The following RHEX variants were observed in gnomAD, a reference collection of about 807,000 sequenced individuals.
RHEX encodes the protein regulator of hemoglobinization and erythroid cell expansion protein.
A neutral mutation model predicts 20.1 loss-of-function variants in RHEX; 18 were observed. The ratio of observed to expected loss-of-function variants is 0.90; its 90% CI spans 0.62 to 1.33. The LOEUF is 1.33. Ranked by LOEUF, RHEX falls within the 40% of genes most tolerant of loss-of-function variation. The pLI is 0.00. For synonymous variants in RHEX, 87 were observed against 77.1 expected, an observed-to-expected ratio of 1.13 and a Z score of -0.67; for missense variants, 192 against 214.3, an observed-to-expected ratio of 0.90 and a Z score of 0.65.
chr1:206,064,773 G>T (rs535308254), intron 1 of RHEX, among the ~76,000 whole-genome samples: 1 of 152,266 alleles, frequency 6.6e-6, no homozygotes, highest in South Asian at 2.1e-4. Flanking sequence ...CGTCTGGGAG[G>T]TGTGCCCAGC....
chr1:206,090,362 C>T (rs1025222774), intron 1 of RHEX, among the ~76,000 whole-genome samples: 5 of 152,098 alleles, frequency 3.3e-5, no homozygotes, highest in South Asian at 2.1e-4. Flanking sequence ...CCCACCACCT[C>T]ACCCAGCTAA....
At chr1:206,098,371 T>G in intron 3 of RHEX, 190 bp downstream of exon 3, 2 of 570,468 alleles carry the variant, frequency 3.5e-6, no homozygotes, top group South Asian at 2.2e-5. Flanking sequence ...CACTCTGACC[T>G]CACCTTTTAA....
intron 3 of RHEX, among the ~76,000 whole-genome samples, chr1:206,099,149 G>A (rs1294409075): frequency 6.6e-6 from 1 of 152,098 alleles, no homozygotes; most frequent in Non-Finnish European, 1.5e-5. Flanking sequence ...GAGGAGTGAG[G>A]CCTCGGAGGC....
intron 1 of RHEX, among the ~76,000 whole-genome samples, chr1:206,083,924 A>C (rs1231538571): frequency 6.6e-6 from 1 of 152,182 alleles, no homozygotes; most frequent in Admixed American, 6.5e-5. Flanking sequence ...TCCAGCAAAA[A>C]CTGGTTCCAA....
intron 1 of RHEX, among the ~76,000 whole-genome samples, chr1:206,074,157 C>T (rs1662587697): frequency 6.6e-6 from 1 of 152,226 alleles, no homozygotes; most frequent in Non-Finnish European, 1.5e-5. Flanking sequence ...TTGGGACCTT[C>T]TCTGACCAAA....
chr1:206,070,043 AT>A (rs1553284499), intron 1 of RHEX, among the ~76,000 whole-genome samples: 1 of 150,846 alleles, frequency 6.6e-6, no homozygotes, highest in East Asian at 1.9e-4. Context: ...AGCATTTACT[AT>A]TAAAAAAAAA....
intron 1 of RHEX, among the ~76,000 whole-genome samples, chr1:206,072,391 C>T (rs566243084): frequency 3.9e-5 from 6 of 152,122 alleles, no homozygotes; most frequent in South Asian, 2.1e-4. Context: ...CTGGCTAACA[C>T]GGTGAAACCC....
At chr1:206,087,846 C>CTA (rs1172321762) in intron 1 of RHEX, among the ~76,000 whole-genome samples, 1 of 152,178 alleles carries the variant, frequency 6.6e-6, no homozygotes, top group Non-Finnish European at 1.5e-5. Context: ...AATGTTCTCA[C>CTA]TACAAAAAAT....
chr1:206,070,900 T>C (rs1322960409), intron 1 of RHEX, among the ~76,000 whole-genome samples: 1 of 152,164 alleles, frequency 6.6e-6, no homozygotes, highest in Non-Finnish European at 1.5e-5. Context: ...CTTTCTCACC[T>C]GTAAAATTGA....
chr1:206,086,998 G>T (rs1662853565), intron 1 of RHEX, among the ~76,000 whole-genome samples: 1 of 152,170 alleles, frequency 6.6e-6, no homozygotes, highest in African/African-American at 2.4e-5. Flanking sequence ...AACAGAGCAA[G>T]ACCCTGTCTA....
At chr1:206,086,011 C>T (rs958451760) in intron 1 of RHEX, among the ~76,000 whole-genome samples, 3 of 152,292 alleles carry the variant, frequency 2.0e-5, no homozygotes, top group East Asian at 3.9e-4. Flanking sequence ...GAAGGTGATC[C>T]TGTAACCCTC....
At chr1:206,093,332 C>G (rs1474748736) in intron 1 of RHEX, among the ~76,000 whole-genome samples, 1 of 151,260 alleles carries the variant, frequency 6.6e-6, no homozygotes, top group South Asian at 2.1e-4. Flanking sequence ...AGTACAGTGG[C>G]GTGATCTCAG....
chr1:206,095,604 G>A (rs1480043742), intron 1 of RHEX, among the ~76,000 whole-genome samples: 2 of 152,148 alleles, frequency 1.3e-5, no homozygotes, highest in Non-Finnish European at 2.9e-5. Flanking sequence ...ATCACCTGAG[G>A]TTGGGAGTTC....
chr1:206,074,086 C>T (rs991761292), intron 1 of RHEX, among the ~76,000 whole-genome samples: 4 of 152,304 alleles, frequency 2.6e-5, no homozygotes, highest in Non-Finnish European at 5.9e-5. Flanking sequence ...CACTTTCTCT[C>T]TCATGGGACT....
In RHEX at chr1:206,067,711, C is replaced by A. The variant is rs185542488; in HGVS notation, c.-97+14446C>A. Among the ~76,000 whole-genome samples, 1 of 152,190 alleles carries A rather than the reference C, an allele frequency of 6.6e-6. No individual in the cohort carries two copies. Among genetic ancestry groups the A allele is most frequent in the Non-Finnish European group, 1.5e-5 (1 of 68,038 alleles). On this transcript the variant is annotated intron_variant, in intron 1 of 5. Coordinates refer to ENST00000331555, the MANE Select transcript of RHEX (RefSeq NM_001007544.4). The surrounding 1 kb of genome is among the most constrained non-coding windows in gnomAD (Gnocchi z 4.6). ...GCACAACCTCATTCTGCACATACCC[C>A]CTCCAGTACAACCCTAGAAAACTTC...
At chr1:206,064,249 C>G (rs1426175822) in intron 1 of RHEX, among the ~76,000 whole-genome samples, 2 of 145,538 alleles carry the variant, frequency 1.4e-5, no homozygotes, top group East Asian at 4.1e-4. Flanking sequence ...CCACCCCGTC[C>G]GGGAGGGAGG....
At chr1:206,066,004 C>T (rs1322220078) in intron 1 of RHEX, among the ~76,000 whole-genome samples, 2 of 152,216 alleles carry the variant, frequency 1.3e-5, no homozygotes, top group Non-Finnish European at 2.9e-5. Flanking sequence ...ACACAGGGCC[C>T]GGGAAGATCG....
chr1:206,070,218 T>A (rs542621858), intron 1 of RHEX, among the ~76,000 whole-genome samples: 1 of 151,852 alleles, frequency 6.6e-6, no homozygotes, highest in African/African-American at 2.4e-5. Flanking sequence ...AGTAGAAGGG[T>A]CTATAGTCCT....
At chr1:206,068,850 G>A (rs1553284412) in intron 1 of RHEX, among the ~76,000 whole-genome samples, 5 of 152,194 alleles carry the variant, frequency 3.3e-5, no homozygotes, top group African/African-American at 9.7e-5. Context: ...GCATCCCATA[G>A]GACAAGAAGC....
Sources: gnomAD v4.1 joint callset for allele counts (sites outside exome capture counted in the v4.1 genomes callset) on GRCh38, gnomAD v4.1.1 for gene constraint, Gnocchi (gnomAD v3.1) non-coding constraint, MANE v1.5 for transcripts, NCBI Gene and HGNC (gene_info 2026-07-23, HGNC 2026-07-21) for gene names.